LRMDA: variants seen among roughly 807,000 people sequenced by gnomAD.
LRMDA encodes the protein leucine-rich melanocyte differentiation-associated protein.
Under a neutral mutation model 29.8 loss-of-function variants are expected in LRMDA, and 18 were observed. The observed-to-expected ratio is 0.60, with a 90% CI of 0.42 to 0.90. LRMDA has a LOEUF of 0.90. Ranked by LOEUF, LRMDA falls within the 40% of genes least tolerant of loss-of-function variation. The pLI is 0.00. For missense variants in LRMDA, 273 were observed against 273.9 expected (o/e 1.00, Z 0.02); for synonymous variants, 125 against 109.4 (o/e 1.14, Z -0.89).
chr10:76,284,480 CCTCCAGAA>C (rs1479930985), intron 5 of LRMDA, among the ~76,000 whole-genome samples: 1 of 152,144 alleles, frequency 6.6e-6, no homozygotes, highest in Non-Finnish European at 1.5e-5. Context: ...AGACATCTGA[CCTCCAGAA>C]CTCTAAGACA....
intron 2 of LRMDA, among the ~76,000 whole-genome samples, chr10:75,619,825 G>C (rs1841158046): frequency 1.3e-5 from 2 of 152,196 alleles, no homozygotes; most frequent in Non-Finnish European, 2.9e-5. Flanking sequence ...TCTGGTCATA[G>C]CCGTGTGACC....
chr10:76,191,464 C>G (rs1851245153), intron 5 of LRMDA, among the ~76,000 whole-genome samples: 1 of 152,124 alleles, frequency 6.6e-6, no homozygotes, highest in African/African-American at 2.4e-5. Context: ...CCCCAAACAC[C>G]TCAGCCCCTG....
chr10:75,980,441 T>C (rs1362559200), intron 2 of LRMDA, among the ~76,000 whole-genome samples: 1 of 152,130 alleles, frequency 6.6e-6, no homozygotes, highest in Non-Finnish European at 1.5e-5. Context: ...GAATGGAAGG[T>C]CCTTTAAGGA....
chr10:76,333,025 G>C lies in LRMDA; in HGVS notation c.601+8540G>C, dbSNP rs111722495. Among the ~76,000 whole-genome samples, 310 of 152,312 alleles carry C rather than the reference G, an allele frequency of 2.0e-3. 2 individuals carry two copies. The highest frequency in any genetic ancestry group is 7.0e-3 in the African/African-American group (293 of 41,570). On this transcript the variant is annotated intron_variant, in intron 6 of 6. Transcript: ENST00000611255. ...TTAGAAAAGATAGCGTGCAATGTAG[G>C]TGAGACTACTCAGGCATGACTCTTT...
intron 2 of LRMDA, among the ~76,000 whole-genome samples, chr10:75,514,170 T>G (rs879314737): frequency 6.6e-6 from 1 of 151,430 alleles, no homozygotes; most frequent in Non-Finnish European, 1.5e-5. Flanking sequence ...ACCTGTTTTT[T>G]TTTTTTTTTT....
intron 5 of LRMDA, among the ~76,000 whole-genome samples, chr10:76,189,036 T>G (rs1313923709): frequency 6.6e-6 from 1 of 152,136 alleles, no homozygotes; most frequent in Admixed American, 6.5e-5. Flanking sequence ...AGTAGCCATT[T>G]GAAAAAATAG....
At chr10:75,691,262 GTA>G (rs3041681) in intron 2 of LRMDA, among the ~76,000 whole-genome samples, 45 of 140,990 alleles carry the variant, frequency 3.2e-4, no homozygotes, top group East Asian at 1.5e-3. Flanking sequence ...ATGTATATGT[GTA>G]TATATATATA....
In LRMDA at chr10:76,363,259, GAAGGAAGGAAGGAAGGA is replaced by G. The variant is rs1389372082; in HGVS notation, c.601+38793_601+38809del. Among the ~76,000 whole-genome samples, 4 of 58,256 alleles carry G rather than the reference GAAGGAAGGAAGGAAGGA, an allele frequency of 6.9e-5. 1 individual carries two copies. Among genetic ancestry groups the G allele is most frequent in the Admixed American group, 1.4e-4 (1 of 7,258 alleles). 38.2% of individuals were successfully genotyped at this position (58,256 alleles called of 152,430 possible). A position where few individuals can be genotyped will look rare whatever the true frequency, so the allele number is the denominator to read the frequency against. On this transcript the variant is annotated intron_variant, in intron 6 of 6. Transcript: ENST00000611255. Reference sequence around the variant, plus strand: ...AGAAAGAAAGAAAGAAAGAAAGAAGGAAGGAAGGAAGGAAGGAAAGGAAGGAAGGAAGGAAGGAAGGG... The same window carrying G: ...AGAAAGAAAGAAAGAAAGAAAGAAGGAAGGAAGGAAGGAAGGAAGGAAGGG...
At chr10:75,788,452 G>A (rs1217068188) in intron 2 of LRMDA, among the ~76,000 whole-genome samples, 5 of 152,210 alleles carry the variant, frequency 3.3e-5, no homozygotes, top group Non-Finnish European at 5.9e-5. Flanking sequence ...AAAAGAAAAA[G>A]CACATGCTAG....
intron 6 of LRMDA, among the ~76,000 whole-genome samples, chr10:76,455,677 G>A (rs115498816): frequency 1.6e-4 from 25 of 152,274 alleles, no homozygotes; most frequent in African/African-American, 4.6e-4. Flanking sequence ...CTTACACACC[G>A]GTTAGCAGCA....
intron 6 of LRMDA, among the ~76,000 whole-genome samples, chr10:76,444,465 C>T (rs151014673): frequency 3.3e-5 from 5 of 152,242 alleles, no homozygotes; most frequent in East Asian, 1.9e-4. Flanking sequence ...CAAGAGAATT[C>T]GATACTGGGT....
At chr10:75,704,742 T>C (rs190542554) in intron 2 of LRMDA, among the ~76,000 whole-genome samples, 24 of 152,326 alleles carry the variant, frequency 1.6e-4, no homozygotes, top group East Asian at 1.9e-4. Flanking sequence ...GAAAGACCAG[T>C]AGCCCGAGCC....
At chr10:76,460,555 G>T (rs1842501506) in intron 6 of LRMDA, among the ~76,000 whole-genome samples, 1 of 152,198 alleles carries the variant, frequency 6.6e-6, no homozygotes, top group Non-Finnish European at 1.5e-5. Flanking sequence ...TATTTTCCAT[G>T]ATTTAGCTAT....
chr10:75,484,208 G>A (rs1419719029), intron 2 of LRMDA, among the ~76,000 whole-genome samples: 1 of 151,998 alleles, frequency 6.6e-6, no homozygotes, highest in Admixed American at 6.6e-5. Context: ...TTCCCATCTT[G>A]GCCTCTCAAA....
intron 6 of LRMDA, among the ~76,000 whole-genome samples, chr10:76,505,297 C>A (rs1842947694): frequency 6.6e-6 from 1 of 151,804 alleles, no homozygotes; most frequent in African/African-American, 2.4e-5. Flanking sequence ...GGATTGTCAT[C>A]TTGTATAGTA....
intron 5 of LRMDA, among the ~76,000 whole-genome samples, chr10:76,144,771 T>A (rs201079065): frequency 3.1e-4 from 47 of 151,780 alleles, no homozygotes; most frequent in South Asian, 1.9e-3. Context: ...GTCTTGTGCC[T>A]GTTTTCAAAG....
At chr10:76,045,856 G>A (rs1042383040) in intron 3 of LRMDA, among the ~76,000 whole-genome samples, 7 of 152,120 alleles carry the variant, frequency 4.6e-5, no homozygotes, top group African/African-American at 1.4e-4. Context: ...ACCCAATTCC[G>A]ACATTGGTTG....
chr10:75,831,369 C>T (rs2132291529), intron 2 of LRMDA, among the ~76,000 whole-genome samples: 1 of 152,268 alleles, frequency 6.6e-6, no homozygotes, highest in African/African-American at 2.4e-5. Context: ...TCTTAAAGCT[C>T]CAAAATGATC....
At chr10:75,897,495 G>A (rs906907428) in intron 2 of LRMDA, among the ~76,000 whole-genome samples, 1 of 152,196 alleles carries the variant, frequency 6.6e-6, no homozygotes, top group Non-Finnish European at 1.5e-5. Flanking sequence ...GAGAATGCCT[G>A]CTAGACCTGA....
Sources: allele counts gnomAD v4.1 joint callset (sites outside exome capture counted in the v4.1 genomes callset), GRCh38; gene constraint gnomAD v4.1.1; transcripts MANE v1.5; gene names NCBI Gene and HGNC (gene_info 2026-07-23, HGNC 2026-07-21).